Variants in AVL9 observed in about 807,000 individuals in gnomAD.
The protein encoded by AVL9 is AVL9 cell migration associated.
A neutral mutation model predicts 79.2 loss-of-function variants in AVL9; 49 were observed. The ratio of observed to expected loss-of-function variants is 0.62; its 90% CI spans 0.49 to 0.79. The LOEUF is 0.79. Ranked by LOEUF, AVL9 falls within the 30% of genes least tolerant of loss-of-function variation. The pLI is 0.00. For synonymous variants in AVL9, 299 were observed against 280.6 expected (o/e 1.07, Z -0.65); for missense variants, 682 against 776.8 (o/e 0.88, Z 1.45).
chr7:32,579,595 TTATATATTATATTA>T (rs1791399277), intron 13 of AVL9, among the ~76,000 whole-genome samples: 1 of 16,540 alleles, frequency 6.0e-5, no homozygotes, highest in African/African-American at 1.5e-4. Context: ...ATATTATATA[TTATATATTATATTA>T]TATATTATAT....
intron 1 of AVL9, among the ~76,000 whole-genome samples, chr7:32,504,276 G>GA: frequency 6.6e-6 from 1 of 152,146 alleles, no homozygotes; most frequent in African/African-American, 2.4e-5. Context: ...TTTCCTGTAA[G>GA]AAAAATGGTT....
chr7:32,542,079 A>G (rs1172457586), intron 1 of AVL9, among the ~76,000 whole-genome samples: 1 of 152,136 alleles, frequency 6.6e-6, no homozygotes, highest in Non-Finnish European at 1.5e-5. Context: ...AAACTTTTAA[A>G]GAGTTCTTCT....
intron 10 of AVL9, among the ~76,000 whole-genome samples, chr7:32,565,257 A>G (rs1790505617): frequency 6.6e-6 from 1 of 152,196 alleles, no homozygotes; most frequent in Non-Finnish European, 1.5e-5. Context: ...ATAGAACTCT[A>G]TTTAGAAATT....
rs1347660929 is a variant in AVL9 at position 32,503,568 on chromosome 7, A to AAAC, written c.93+7768_93+7769insCAA. Among the ~76,000 whole-genome samples the AAAC allele has an allele frequency of 2.7e-5, 4 of 149,978 alleles. No homozygotes were observed. In the East Asian group the frequency reaches 7.9e-4, roughly 29 times the overall value. The stretch of plus-strand genomic sequence containing the variant: ...AAGACTCCGTCTCAAGGGAAAAAAA[A>AAAC]AAAAAAAACTAGATTTGAAATATGG... On this transcript the variant is annotated intron_variant, in intron 1 of 15. Coordinates refer to ENST00000318709, the MANE Select transcript of AVL9 (RefSeq NM_015060.3).
Position 32,503,560 on chromosome 7 carries a change from G to GAAAAA in AVL9, c.93+7770_93+7774dup, listed in dbSNP as rs70992722. On this transcript the variant is annotated intron_variant, in intron 1 of 15. Coordinates refer to ENST00000318709, the MANE Select transcript of AVL9 (RefSeq NM_015060.3). ...GACAGAGCAAGACTCCGTCTCAAGG[G>GAAAAA]AAAAAAAAAAAAAAAACTAGATTTG... 5.2e-4 allele frequency among the ~76,000 whole-genome samples: 65 copies of GAAAAA among 123,856 alleles called. 2 individuals are homozygous for GAAAAA. Among genetic ancestry groups the GAAAAA allele is most frequent in the East Asian group, 1.4e-3 (6 of 4,202 alleles). 81.3% of individuals were successfully genotyped at this position (123,856 alleles called of 152,430 possible).
intron 1 of AVL9, among the ~76,000 whole-genome samples, chr7:32,528,935 A>G (rs745487926): frequency 6.6e-6 from 1 of 152,126 alleles, no homozygotes; most frequent in Non-Finnish European, 1.5e-5. Flanking sequence ...GCGTGAACCC[A>G]GGGAGCAGAG....
At chr7:32,573,160 G>C in intron 11 of AVL9, 39 bp from the exon 12 acceptor site, 1 of 1,545,604 alleles carries the variant, frequency 6.5e-7, no homozygotes. Context: ...ATGTCTGCGT[G>C]AATGCCCAGA....
chr7:32,539,125 C>T (rs1789052745), intron 1 of AVL9: 2 of 152,306 alleles, frequency 1.3e-5, no homozygotes, highest in African/African-American at 2.4e-5. Flanking sequence ...GTGGTGCATG[C>T]CTATAGTCCC....
intron 1 of AVL9, among the ~76,000 whole-genome samples, chr7:32,512,922 G>T (rs1294202727): frequency 7.5e-6 from 1 of 133,364 alleles, no homozygotes; most frequent in Non-Finnish European, 1.7e-5. Flanking sequence ...GACTCCTCTT[G>T]TTTCATACTA....
rs557190241 is a variant in AVL9, at chr7:32,583,888, C to T, written c.1928C>T (p.Pro643Leu). 6.2e-7 allele frequency: 1 copy of T among 1,613,662 alleles called. No homozygotes were observed. Among genetic ancestry groups the T allele is most frequent in the South Asian group, 1.1e-5 (1 of 91,064 alleles). Residue 643 changes from proline to leucine, a missense_variant, in exon 16 of 16, where the codon CCA (proline) becomes CTA (leucine). Pro to Leu is a moderately conservative substitution (Grantham distance 98). Transcript: ENST00000318709. ...TTSTSQSLTE[P>L]PDEKP ...TCCACCTCCCAAAGTCTCACTGAGC[C>T]ACCAGATGAGAAGCCTTGAGCAAGG...
At chr7:32,548,619 G>T (rs1485261174) in intron 3 of AVL9, among the ~76,000 whole-genome samples, 3 of 152,084 alleles carry the variant, frequency 2.0e-5, no homozygotes, top group Admixed American at 6.5e-5. Flanking sequence ...TGAGATTCGG[G>T]ATTGTCCATT....
In AVL9 at chr7:32,585,651, A is replaced by G. The variant is rs1016138927; in HGVS notation, c.*1744A>G. 1 of 152,252 alleles carries G rather than the reference A, an allele frequency of 6.6e-6. No homozygotes were observed. The highest frequency in any genetic ancestry group is 1.5e-5 in the Non-Finnish European group (1 of 68,038). The allele number at this position is 152,252 out of a possible 1,614,324, so 9.4% of individuals were successfully genotyped here. A position where few individuals can be genotyped will look rare whatever the true frequency, so the allele number is the denominator to read the frequency against. On this transcript the variant is annotated 3_prime_UTR_variant, in exon 16 of 16. Transcript: ENST00000318709. ...TGCTCCCAAGGCATTTGAAATGAAC[A>G]TAGAAACATAATCTAAATGTCTCTA...
rs1029355246 is a variant in AVL9, at chr7:32,585,966, A to C, written c.*2059A>C. On this transcript the variant is annotated 3_prime_UTR_variant, in exon 16 of 16. Coordinates refer to ENST00000318709, the MANE Select transcript of AVL9 (RefSeq NM_015060.3). ...TGGAGCATGATAGTGTGATTTGTGT[A>C]CAATTGTTACCTCTCAGCTGCTGAA... The C allele has an allele frequency of 2.0e-5, 3 of 152,230 alleles. No individual in the cohort carries two copies. Among genetic ancestry groups the C allele is most frequent in the African/African-American group, 7.2e-5 (3 of 41,464 alleles). The allele number at this position is 152,230 out of a possible 1,614,324, so 9.4% of individuals were successfully genotyped here.
chr7:32,505,620 C>T (rs1787379657), intron 1 of AVL9, among the ~76,000 whole-genome samples: 1 of 151,990 alleles, frequency 6.6e-6, no homozygotes, highest in African/African-American at 2.4e-5. Flanking sequence ...TCAAAATTGC[C>T]ATTTAATTAA....
chr7:32,518,086 C>A (rs1177263048), intron 1 of AVL9, among the ~76,000 whole-genome samples: 2 of 152,168 alleles, frequency 1.3e-5, no homozygotes, highest in Non-Finnish European at 1.5e-5. Context: ...CCAACTCGGC[C>A]TCACAAAGTG....
chr7:32,553,103 T>G (rs907823330), intron 6 of AVL9, among the ~76,000 whole-genome samples: 4 of 152,220 alleles, frequency 2.6e-5, no homozygotes, highest in African/African-American at 9.6e-5. Flanking sequence ...TAGTTTATGA[T>G]TGCAATCCTC....
intron 15 of AVL9, among the ~76,000 whole-genome samples, chr7:32,582,362 A>C (rs919798740): frequency 7.5e-6 from 1 of 133,396 alleles, no homozygotes; most frequent in African/African-American, 2.5e-5. Flanking sequence ...AGTTTTCTGA[A>C]TACCTAGAGA....
intron 1 of AVL9, among the ~76,000 whole-genome samples, chr7:32,516,055 C>T (rs1469281984): frequency 6.6e-6 from 1 of 152,236 alleles, no homozygotes; most frequent in Non-Finnish European, 1.5e-5. Flanking sequence ...GCACCACTCA[C>T]CCCATTTGGG....
chr7:32,543,059 G>A, intron 1 of AVL9, 82 bp from the exon 2 acceptor site: 1 of 1,556,560 alleles, frequency 6.4e-7, no homozygotes, highest in South Asian at 1.2e-5. Flanking sequence ...TGTCATTCAG[G>A]GTTTAAAAGC....
Sources: allele counts gnomAD v4.1 joint callset (sites outside exome capture counted in the v4.1 genomes callset), GRCh38; gene constraint gnomAD v4.1.1; transcripts MANE v1.5; gene names NCBI Gene and HGNC (gene_info 2026-07-23, HGNC 2026-07-21).